NCAPG2: variants seen among roughly 807,000 people sequenced by gnomAD.
NCAPG2 encodes condensin-2 complex subunit G2.
In NCAPG2, 53 loss-of-function variants were observed where a neutral mutation model predicts 141.1. That is an observed-to-expected ratio of 0.38 (90% CI 0.30 to 0.47). NCAPG2 has a LOEUF of 0.47. Among genes scored for constraint, NCAPG2 ranks in the 20% least tolerant of loss-of-function variants. The pLI is 0.99. For synonymous variants in NCAPG2, 499 were observed against 490.7 expected (o/e 1.02, Z -0.22); for missense variants, 1,087 against 1,389.0 (o/e 0.78, Z 3.46).
At chr7:158,640,052 C>CAAAAAAAAAAAAAAAAAAAAAAAAAAA (rs58368997) in intron 27 of NCAPG2, 2 of 98,322 alleles carry the variant, frequency 2.0e-5, no homozygotes, top group Non-Finnish European at 4.1e-5. Context: ...GAATAAATGC[C>CAAAAAAAAAAAAAAAAAAAAAAAAAAA]AAAAAAAAAA....
rs11772887 is a variant in NCAPG2, at chr7:158,661,966, C to T, written c.1989+228G>A. Among the ~76,000 whole-genome samples the T allele has an allele frequency of 8.2e-3, 1,244 of 152,248 alleles. 8 individuals are homozygous for T. The highest frequency in any genetic ancestry group is 0.013 in the Non-Finnish European group (887 of 68,022). On this transcript the variant is annotated intron_variant, in intron 16 of 27. Transcript: ENST00000356309. Reference sequence around the variant, plus strand: ...AGAAGAATCATGTGCTTACCCAAGACGTTTCTCTGGGTGCTGAGGATATGG... The same window carrying T: ...AGAAGAATCATGTGCTTACCCAAGATGTTTCTCTGGGTGCTGAGGATATGG...
At chr7:158,635,798 C>A (rs989122529) in intron 27 of NCAPG2, among the ~76,000 whole-genome samples, 11 of 152,316 alleles carry the variant, frequency 7.2e-5, no homozygotes, top group Middle Eastern at 6.8e-3. Context: ...TTAAATCAAG[C>A]TCCACTGCCT....
chr7:158,647,055 A>G (rs1831078744), intron 24 of NCAPG2, among the ~76,000 whole-genome samples: 1 of 152,114 alleles, frequency 6.6e-6, no homozygotes, highest in Non-Finnish European at 1.5e-5. Context: ...AAGATAAACG[A>G]AAGTGTTTAT....
At chr7:158,639,210 T>C (rs749959) in intron 27 of NCAPG2, among the ~76,000 whole-genome samples, 112,518 of 151,858 alleles carry the variant, frequency 0.74, 41,959 homozygotes, top group East Asian at 0.97. Context: ...TGGGCTCAAG[T>C]GATCCTCCCA....
intron 24 of NCAPG2, 130 bp downstream of exon 24, chr7:158,650,702 T>G (rs995182752): frequency 2.6e-6 from 3 of 1,175,728 alleles, no homozygotes; most frequent in African/African-American, 1.6e-5. Context: ...GCTAGGAAAG[T>G]GCACCACTCA....
intron 10 of NCAPG2, among the ~76,000 whole-genome samples, chr7:158,680,470 A>G (rs931781351): frequency 6.6e-6 from 1 of 152,214 alleles, no homozygotes; most frequent in African/African-American, 2.4e-5. Context: ...GCATGCCTCT[A>G]ATCTCCTTCC....
At position 158,650,283 on chromosome 7, in the gene NCAPG2, G is replaced by T. The variant is rs150478109; in HGVS notation, c.3075+549C>A. Among the ~76,000 whole-genome samples, 34 of 152,284 alleles carry T rather than the reference G, an allele frequency of 2.2e-4. No individual in the cohort carries two copies. The East Asian group carries it at 5.6e-3, about 25-fold the overall frequency. On this transcript the variant is annotated intron_variant, in intron 24 of 27. Transcript: ENST00000356309. ...GCTGGTCTCAAACTCCTGACCTCATGATCCACCTGCCTCCACCTCCCAAAG... is the reference window on the plus strand; with the variant it reads ...GCTGGTCTCAAACTCCTGACCTCATTATCCACCTGCCTCCACCTCCCAAAG...
At chr7:158,685,122 A>G (rs909774701) in intron 8 of NCAPG2, among the ~76,000 whole-genome samples, 1 of 152,220 alleles carries the variant, frequency 6.6e-6, no homozygotes, top group Non-Finnish European at 1.5e-5. Context: ...AGAACCTGGT[A>G]TAAGAAAAAT....
chr7:158,699,966 C>T lies in NCAPG2; in HGVS notation c.78+1856G>A, dbSNP rs1835683177. Among the ~76,000 whole-genome samples, 4 of 151,760 alleles carry T rather than the reference C, an allele frequency of 2.6e-5. 1 individual carries two copies. Among genetic ancestry groups the T allele is most frequent in the East Asian group, 1.9e-4 (1 of 5,180 alleles). On this transcript the variant is annotated intron_variant, in intron 2 of 27. Transcript: ENST00000356309. ...ATTTATTTATTTATTTTAACCAATT[C>T]TGCAGAGTGCAGTGACTGTTGGTAA...
At chr7:158,657,282 T>G (rs77386872) in intron 17 of NCAPG2, among the ~76,000 whole-genome samples, 3,387 of 152,320 alleles carry the variant, frequency 0.022, 72 homozygotes, top group Middle Eastern at 0.041. Flanking sequence ...TTCACACTCT[T>G]CTTTTTGCCT....
At chr7:158,675,691 T>A (rs1834006386) in intron 11 of NCAPG2, 35 bp from the exon 12 acceptor site, 1 of 1,586,596 alleles carries the variant, frequency 6.3e-7, no homozygotes, top group Non-Finnish European at 8.5e-7. Flanking sequence ...TTAAAAACCT[T>A]GACTTATTTC....
intron 8 of NCAPG2, among the ~76,000 whole-genome samples, chr7:158,685,182 G>T (rs561578864): frequency 6.6e-6 from 1 of 152,342 alleles, no homozygotes; most frequent in South Asian, 2.1e-4. Context: ...TCTGGATGTT[G>T]AGTTGGGATT....
Position 158,662,210 on chromosome 7 carries a change from T to C in NCAPG2, c.1973A>G (p.Tyr658Cys), listed in dbSNP as rs1402996802. 6 of 1,606,580 alleles carry C rather than the reference T, an allele frequency of 3.7e-6. No individual in the cohort carries two copies. The highest frequency in any genetic ancestry group is 2.2e-5 in the East Asian group (1 of 44,746). Reference protein sequence around the residue: ...INKFASVLPEYLKVFKDDRCK... With the variant: ...INKFASVLPECLKVFKDDRCK... ...AAGACTTACCTTAAATACTTTCAGA[T>C]ACTCTGGAAGCACAGAGGCAAACTT... Residue 658 changes from tyrosine (Y) to cysteine (C), a missense_variant, in exon 16 of 28, where the codon TAT becomes TGT. By Grantham distance (194) the Tyr-to-Cys change is radical. Coordinates refer to ENST00000356309, the MANE Select transcript of NCAPG2 (RefSeq NM_017760.7).
rs550823767 is a variant in NCAPG2, at chr7:158,644,041, G to A, written c.3380+248C>T. Among the ~76,000 whole-genome samples the A allele has an allele frequency of 9.8e-4, 149 of 152,326 alleles. 1 individual carries two copies. Among genetic ancestry groups the A allele is most frequent in the South Asian group, 8.3e-4 (4 of 4,822 alleles). ...TTTTAAAACTAAATAAAATAAGTTTGTATGCCCTCACTTTTCTACAGTAGA... is the reference window on the plus strand; with the variant it reads ...TTTTAAAACTAAATAAAATAAGTTTATATGCCCTCACTTTTCTACAGTAGA... On this transcript the variant is annotated intron_variant, in intron 27 of 27. Coordinates refer to ENST00000356309, the MANE Select transcript of NCAPG2 (RefSeq NM_017760.7).
At chr7:158,689,379 A>C (rs2129468855) in intron 6 of NCAPG2, among the ~76,000 whole-genome samples, 1 of 152,166 alleles carries the variant, frequency 6.6e-6, no homozygotes, top group East Asian at 1.9e-4. Context: ...ATGGGAGTTG[A>C]CCCCAGGACG....
chr7:158,636,751 A>G (rs1830230856), intron 27 of NCAPG2, among the ~76,000 whole-genome samples: 1 of 152,030 alleles, frequency 6.6e-6, no homozygotes, highest in Non-Finnish European at 1.5e-5. Context: ...GGTTGTTACT[A>G]CATCCTGTGA....
At chr7:158,677,524 G>GAAAAAAAAAAAA (rs1491491903) in intron 11 of NCAPG2, among the ~76,000 whole-genome samples, 2 of 5,078 alleles carry the variant, frequency 3.9e-4, no homozygotes, top group Admixed American at 2.2e-3. Flanking sequence ...TAAAAATAAA[G>GAAAAAAAAAAAA]CAAAAAAAAA....
intron 22 of NCAPG2, among the ~76,000 whole-genome samples, chr7:158,654,073 T>G (rs1831718716): frequency 6.6e-6 from 1 of 152,074 alleles, no homozygotes; most frequent in Admixed American, 6.5e-5. Context: ...CCAGCTGCAC[T>G]CCCCCTGGCC....
Position 158,672,788 on chromosome 7 carries a change from G to A in NCAPG2, c.1327-1122C>T, listed in dbSNP as rs568394215. ...TGATCCTGCCCTCCCACTGGACACCGGCCACCGGCCACCACCTACCTTGCC... is the reference window on the plus strand; with the variant it reads ...TGATCCTGCCCTCCCACTGGACACCAGCCACCGGCCACCACCTACCTTGCC... On this transcript the variant is annotated intron_variant, in intron 12 of 27. Transcript: ENST00000356309. Among the ~76,000 whole-genome samples, 242 of 152,186 alleles carry A rather than the reference G, an allele frequency of 1.6e-3. 1 individual carries two copies. In the Middle Eastern group the frequency reaches 0.017, roughly 11 times the overall value.
Sources: allele counts gnomAD v4.1 joint callset (sites outside exome capture counted in the v4.1 genomes callset), GRCh38; gene constraint gnomAD v4.1.1; transcripts MANE v1.5; gene names NCBI Gene and HGNC (gene_info 2026-07-23, HGNC 2026-07-21).